Variants in ZNF469 observed in about 807,000 individuals in gnomAD.
The protein encoded by ZNF469 is zinc finger protein 469.
A neutral mutation model predicts 1.0 loss-of-function variants in ZNF469; 1 was observed. That is an observed-to-expected ratio of 1.00 (90% CI 0.35 to 4.73). The LOEUF is 4.73. Ranked by LOEUF, ZNF469 falls within the 30% of genes most tolerant of loss-of-function variation. The probability of loss-of-function intolerance (pLI) is 0.16; values close to 1 mark genes in which losing one functional copy is unlikely to be tolerated. For missense variants in ZNF469, 6,100 were observed against 5,356.3 expected, an observed-to-expected ratio of 1.14 and a Z score of -4.33; for synonymous variants, 2,703 against 2,363.4, an observed-to-expected ratio of 1.14 and a Z score of -4.17.
chr16:88,235,720 A>AAAC, the ZNF469 span, among the ~76,000 whole-genome samples: 1 of 151,064 alleles, frequency 6.6e-6, no homozygotes, highest in Non-Finnish European at 1.5e-5. Flanking sequence ...TGCTGAAAAA[A>AAAC]ACATCTAACT....
chr16:88,101,433 CT>C, the ZNF469 span, among the ~76,000 whole-genome samples: 2 of 152,118 alleles, frequency 1.3e-5, no homozygotes, highest in Admixed American at 1.3e-4. Context: ...GTCTTCTCTC[CT>C]TTTTGTGGCA....
At chr16:88,198,232 G>A in the ZNF469 span, among the ~76,000 whole-genome samples, 1 of 152,234 alleles carries the variant, frequency 6.6e-6, no homozygotes, top group Non-Finnish European at 1.5e-5. Flanking sequence ...GTGCACTGAA[G>A]ACAAAGCTGT....
At chr16:88,410,509 C>G (rs1182171944) in intron 1 of ZNF469, among the ~76,000 whole-genome samples, 1 of 144,458 alleles carries the variant, frequency 6.9e-6, no homozygotes, top group African/African-American at 2.6e-5. Context: ...TGGTGCAGGT[C>G]ACGTGGTCAT....
At chr16:88,145,897 G>A in the ZNF469 span, among the ~76,000 whole-genome samples, 2 of 152,254 alleles carry the variant, frequency 1.3e-5, no homozygotes, top group East Asian at 1.9e-4. Context: ...GTCCTGATGG[G>A]GCCTTCAGAC....
At chr16:88,262,324 G>A in the ZNF469 span, among the ~76,000 whole-genome samples, 1 of 152,256 alleles carries the variant, frequency 6.6e-6, no homozygotes, top group South Asian at 2.1e-4. The surrounding 1 kb of genome is among the most constrained non-coding windows in gnomAD (Gnocchi z 4.3). Flanking sequence ...CGAGAAGGCA[G>A]CCTGGCTGCT....
chr16:88,170,408 A>G, the ZNF469 span, among the ~76,000 whole-genome samples: 1 of 152,118 alleles, frequency 6.6e-6, no homozygotes, highest in Non-Finnish European at 1.5e-5. The surrounding 1 kb of genome is among the most constrained non-coding windows in gnomAD (Gnocchi z 4.2). Flanking sequence ...TACAACTGAA[A>G]GTTCTCACTC....
At chr16:88,321,828 G>A in the ZNF469 span, among the ~76,000 whole-genome samples, 4 of 152,220 alleles carry the variant, frequency 2.6e-5, no homozygotes, top group African/African-American at 4.8e-5. Flanking sequence ...ACCGCCATCC[G>A]GAGCATGATC....
At chr16:88,341,128 T>C in the ZNF469 span, among the ~76,000 whole-genome samples, 3 of 152,214 alleles carry the variant, frequency 2.0e-5, no homozygotes, top group Admixed American at 2.0e-4. Context: ...GGGCCACACG[T>C]GGTCTCTGTC....
chr16:88,350,113 G>A, the ZNF469 span, among the ~76,000 whole-genome samples: 1 of 152,128 alleles, frequency 6.6e-6, no homozygotes, highest in Admixed American at 6.5e-5. Flanking sequence ...CGCCCCCCTT[G>A]GGGCGGAGGG....
At position 88,436,948 on chromosome 16, in the gene ZNF469, CG is replaced by C. The variant is rs1597213727; in HGVS notation, c.9483del (p.His3162ThrfsTer20). The C allele has an allele frequency of 6.7e-7, 1 of 1,494,102 alleles. No homozygotes were observed. Among genetic ancestry groups the C allele is most frequent in the Non-Finnish European group, 8.9e-7 (1 of 1,123,190 alleles). The allele number at this position is 1,494,102 out of a possible 1,614,324, so 92.6% of individuals were successfully genotyped here. On this transcript the variant is annotated frameshift_variant, in exon 3 of 3. Transcript: ENST00000565624. LOFTEE classifies it low-confidence loss of function (END_TRUNC). ...CAGGTTTGGCTCGCGGGAGCTGCTG[CG>C]GGGGCACCTGCAGGAGAGGCACGCG... ...ERRFGSRELL[R>X]GHLQERHAQS... is the part of the protein sequence containing the mutation.
the ZNF469 span, among the ~76,000 whole-genome samples, chr16:88,331,467 CCACCATCAT>C: frequency 6.7e-6 from 1 of 149,686 alleles, no homozygotes; most frequent in African/African-American, 2.5e-5. Context: ...ATCATCACTA[CCACCATCAT>C]CACCATCATC....
chr16:88,153,905 A>G, the ZNF469 span, among the ~76,000 whole-genome samples: 2 of 152,202 alleles, frequency 1.3e-5, no homozygotes, highest in South Asian at 4.1e-4. Context: ...CACCGGCCCC[A>G]GTGGATCAGG....
At chr16:88,199,002 G>T in the ZNF469 span, among the ~76,000 whole-genome samples, 1 of 152,152 alleles carries the variant, frequency 6.6e-6, no homozygotes, top group African/African-American at 2.4e-5. Flanking sequence ...GGGTCTTCTG[G>T]GCTCTGCAGG....
chr16:88,371,387 C>T, the ZNF469 span, among the ~76,000 whole-genome samples: 13 of 152,336 alleles, frequency 8.5e-5, no homozygotes, highest in East Asian at 1.5e-3. Context: ...TTACATAGGA[C>T]GTGACAATTG....
chr16:88,112,482 G>A, the ZNF469 span, among the ~76,000 whole-genome samples: 2 of 152,142 alleles, frequency 1.3e-5, no homozygotes, highest in South Asian at 2.1e-4. Context: ...CATTTTAACC[G>A]GGGTGAGGTG....
chr16:88,228,193 G>T, the ZNF469 span, among the ~76,000 whole-genome samples: 1 of 152,258 alleles, frequency 6.6e-6, no homozygotes, highest in African/African-American at 2.4e-5. Context: ...ACACTGTTTG[G>T]CTCACTGGGA....
chr16:88,434,694 C>T lies in ZNF469; in HGVS notation c.7224C>T (p.Thr2408=). Residue 2408 remains threonine (T), a synonymous_variant, in exon 3 of 3, where the codon ACC becomes ACT. Coordinates refer to ENST00000565624, the MANE Select transcript of ZNF469 (RefSeq NM_001367624.2). ...CPSTGLGLGR[T]TAPSSTASDF... Reference sequence around the variant, plus strand: ...CCACAGGACTGGGCTTGGGAAGAACCACAGCCCCAAGCAGCACAGCCAGTG... The same window carrying T: ...CCACAGGACTGGGCTTGGGAAGAACTACAGCCCCAAGCAGCACAGCCAGTG... 1 of 1,550,366 alleles carries T rather than the reference C, an allele frequency of 6.5e-7. No individual in the cohort carries two copies. Among genetic ancestry groups the T allele is most frequent in the Non-Finnish European group, 8.7e-7 (1 of 1,146,966 alleles).
chr16:88,392,010 T>C (rs1904504450), intron 1 of ZNF469, among the ~76,000 whole-genome samples: 1 of 152,250 alleles, frequency 6.6e-6, no homozygotes, highest in Non-Finnish European at 1.5e-5. Flanking sequence ...GCAGATACAT[T>C]ATATCACATA....
Position 88,437,623 on chromosome 16 carries a change from G to A in ZNF469, c.10153G>A (p.Gly3385Ser). 6.5e-7 allele frequency: 1 copy of A among 1,540,930 alleles called. No homozygotes were observed. The highest frequency in any genetic ancestry group is 2.5e-5 in the East Asian group (1 of 40,542). The stretch of plus-strand genomic sequence containing the variant: ...GCACGGGGAGCTGCTGGCACACCTG[G>A]GCGGGGCGCACGGGCTGCTGGAGCG... ...PEHGELLAHL[G>S]GAHGLLERPE... is the part of the protein sequence containing the mutation. Residue 3385 changes from glycine (G) to serine (S), a missense_variant, in exon 3 of 3, where the codon GGC becomes AGC. Physicochemically the swap from Gly to Ser is moderately conservative, Grantham distance 56. Transcript: ENST00000565624.
Sources: allele counts gnomAD v4.1 joint callset (sites outside exome capture counted in the v4.1 genomes callset), GRCh38; gene constraint gnomAD v4.1.1; non-coding constraint Gnocchi (gnomAD v3.1); transcripts MANE v1.5; gene names NCBI Gene and HGNC (gene_info 2026-07-23, HGNC 2026-07-21).